The following FAAH2 variants were observed in gnomAD, a reference collection of about 807,000 sequenced individuals.
FAAH2 encodes fatty acid amide hydrolase 2, also known as fatty-acid amide hydrolase 2.
Under a neutral mutation model 36.9 loss-of-function variants are expected in FAAH2, and 60 were observed. The observed-to-expected ratio is 1.63, with a 90% CI of 1.32 to 2.02. The LOEUF (loss-of-function observed/expected upper bound fraction) is 2.02. FAAH2 is among the 30% of genes most tolerant of loss of function. The pLI is 0.00. For synonymous variants in FAAH2, 214 were observed against 143.8 expected, an observed-to-expected ratio of 1.49 and a Z score of -3.49; for missense variants, 689 against 397.5, an observed-to-expected ratio of 1.73 and a Z score of -6.23.
chrX:57,190,841 G>A, the FAAH2 span, among the ~76,000 whole-genome samples: 1 of 110,245 alleles, frequency 9.1e-6, no homozygotes, highest in Non-Finnish European at 1.9e-5. Context: ...GTTAATGTTC[G>A]GCCATCCTGC....
chrX:57,354,845 T>A (rs750216088), intron 5 of FAAH2, among the ~76,000 whole-genome samples: 3 of 110,865 alleles, frequency 2.7e-5, no homozygotes, highest in Admixed American at 1.9e-4. Flanking sequence ...TATGCTTTTT[T>A]AAAAAATTAG....
At chrX:57,232,316 G>A in the FAAH2 span, among the ~76,000 whole-genome samples, 1 of 111,634 alleles carries the variant, frequency 9.0e-6, no homozygotes, top group Non-Finnish European at 1.9e-5. Flanking sequence ...TTCAGAAAAT[G>A]GTGTTAAGAA....
intron 7 of FAAH2, chrX:57,381,648 C>A (rs951650135): frequency 4.1e-6 from 1 of 242,673 alleles, no homozygotes; most frequent in Non-Finnish European, 5.8e-6. Context: ...ATATATGCAC[C>A]CAATACAGGA....
intron 5 of FAAH2, among the ~76,000 whole-genome samples, chrX:57,346,477 T>C (rs1463456083): frequency 3.6e-5 from 4 of 112,085 alleles, no homozygotes; most frequent in Non-Finnish European, 5.6e-5. Context: ...TGGTAAGTTT[T>C]TCTCCATCGC....
chrX:57,212,323 A>T, the FAAH2 span, among the ~76,000 whole-genome samples: 1 of 112,229 alleles, frequency 8.9e-6, no homozygotes, highest in Non-Finnish European at 1.9e-5. Flanking sequence ...AGATGCTATG[A>T]CACCTCCAAA....
At chrX:57,253,596 G>C in the FAAH2 span, among the ~76,000 whole-genome samples, 1 of 111,981 alleles carries the variant, frequency 8.9e-6, no homozygotes, top group African/African-American at 3.3e-5. Flanking sequence ...AAAGCCAGAA[G>C]AGATTGGGGG....
chrX:57,299,893 T>C (rs2052288509), intron 2 of FAAH2, among the ~76,000 whole-genome samples: 1 of 111,238 alleles, frequency 9.0e-6, no homozygotes, highest in Non-Finnish European at 1.9e-5. Context: ...GGAGTCCAAC[T>C]TACAAGGGAT....
At chrX:57,449,932 C>T (rs1180016874) in intron 10 of FAAH2, among the ~76,000 whole-genome samples, 6 of 111,715 alleles carry the variant, frequency 5.4e-5, no homozygotes, top group Non-Finnish European at 7.5e-5. Flanking sequence ...TCCCAGAGTG[C>T]TGGGATTGCA....
the FAAH2 span, among the ~76,000 whole-genome samples, chrX:57,183,686 A>C: frequency 9.0e-6 from 1 of 111,703 alleles, no homozygotes. Context: ...TCACTGTGAT[A>C]ATTGTGTTAA....
At chrX:57,325,152 T>A (rs1156446165) in intron 3 of FAAH2, among the ~76,000 whole-genome samples, 1 of 112,121 alleles carries the variant, frequency 8.9e-6, no homozygotes, top group Non-Finnish European at 1.9e-5. Context: ...TATTGATTTG[T>A]GTATGTTGAA....
chrX:57,363,645 T>G (rs908091987), intron 5 of FAAH2, among the ~76,000 whole-genome samples: 1 of 111,458 alleles, frequency 9.0e-6, no homozygotes, highest in East Asian at 2.8e-4. Flanking sequence ...CTTTTTCCAC[T>G]TCTCAAGGGG....
rs757827726 is a variant in FAAH2 at position 57,420,218 on chromosome X, A to T, written c.997-11700A>T. Among the ~76,000 whole-genome samples the T allele has an allele frequency of 9.3e-5, 9 of 96,258 alleles. No individual in the cohort carries two copies. The Admixed American group carries it at 1.0e-3, about 11-fold the overall frequency. 83.6% of individuals were successfully genotyped at this position (96,258 alleles called of 115,157 possible). A position where few individuals can be genotyped will look rare whatever the true frequency, so the allele number is the denominator to read the frequency against. Reference sequence around the variant, plus strand: ...GCGATGTGGGCTCTTTTTTGGTTCCATATGAACTTTAAAGTAGTTTTTTTC... The same window carrying T: ...GCGATGTGGGCTCTTTTTTGGTTCCTTATGAACTTTAAAGTAGTTTTTTTC... On this transcript the variant is annotated intron_variant, in intron 7 of 10. Coordinates refer to ENST00000374900, the MANE Select transcript of FAAH2 (RefSeq NM_174912.4).
At chrX:57,421,656 T>A (rs1031551301) in intron 7 of FAAH2, among the ~76,000 whole-genome samples, 1 of 111,260 alleles carries the variant, frequency 9.0e-6, no homozygotes, top group Admixed American at 9.6e-5. Context: ...AAAGATTATC[T>A]CTAGATACAG....
At chrX:57,211,622 C>A in the FAAH2 span, among the ~76,000 whole-genome samples, 1 of 111,888 alleles carries the variant, frequency 8.9e-6, no homozygotes, top group Non-Finnish European at 1.9e-5. Context: ...GGGAGGTCAA[C>A]CTGCACAGCC....
intron 10 of FAAH2, among the ~76,000 whole-genome samples, chrX:57,473,785 C>T (rs994867381): frequency 1.8e-5 from 2 of 110,885 alleles, no homozygotes; most frequent in African/African-American, 6.5e-5. Flanking sequence ...TATTTTAGTA[C>T]CATTGTTGAT....
At chrX:57,210,244 T>C in the FAAH2 span, among the ~76,000 whole-genome samples, 3 of 111,590 alleles carry the variant, frequency 2.7e-5, no homozygotes, top group Admixed American at 9.5e-5. Flanking sequence ...TCTGCCATCT[T>C]GTTCTGCCCC....
rs185058048 is a variant in FAAH2, at chrX:57,376,784, C to T, written c.743-1867C>T. Among the ~76,000 whole-genome samples the T allele has an allele frequency of 1.0e-3, 117 of 111,945 alleles. No homozygotes were observed. In the Middle Eastern group the frequency reaches 0.014, roughly 13 times the overall value. On this transcript the variant is annotated intron_variant, in intron 5 of 10. Transcript: ENST00000374900. Reference sequence around the variant, plus strand: ...ACACTCCAACCAACAATGTAAAAAGCGTTTTTATTTCTCCACATTCTCTCC... The same window carrying T: ...ACACTCCAACCAACAATGTAAAAAGTGTTTTTATTTCTCCACATTCTCTCC...
chrX:57,144,557 T>C, the FAAH2 span, among the ~76,000 whole-genome samples: 1 of 108,927 alleles, frequency 9.2e-6, no homozygotes, highest in African/African-American at 3.3e-5. Flanking sequence ...GTGGAACAGG[T>C]GGTATTTGGT....
intron 8 of FAAH2, among the ~76,000 whole-genome samples, chrX:57,444,395 G>A (rs890573270): frequency 1.8e-5 from 2 of 112,150 alleles, no homozygotes; most frequent in African/African-American, 6.5e-5. Flanking sequence ...TGTGGGCTTC[G>A]GACCCTCTGA....
Sources: allele counts gnomAD v4.1 joint callset (sites outside exome capture counted in the v4.1 genomes callset), GRCh38; gene constraint gnomAD v4.1.1; transcripts MANE v1.5; gene names NCBI Gene and HGNC (gene_info 2026-07-23, HGNC 2026-07-21).